EDIL3: variants seen among roughly 807,000 people sequenced by gnomAD.
EDIL3 encodes EGF like and discoidin domains 3.
Under a neutral mutation model 67.4 loss-of-function variants are expected in EDIL3, and 37 were observed. The observed-to-expected ratio is 0.55, with a 90% confidence interval of 0.42 to 0.72. The LOEUF is 0.72. EDIL3 is among the 30% of genes least tolerant of loss of function. The pLI is 0.00. For synonymous variants in EDIL3, 195 were observed against 196.3 expected, an observed-to-expected ratio of 0.99 and a Z score of 0.05; for missense variants, 527 against 586.3, an observed-to-expected ratio of 0.90 and a Z score of 1.04.
At chr5:84,048,137 T>C (rs1331772304) in intron 9 of EDIL3, 4 of 345,926 alleles carry the variant, frequency 1.2e-5, no homozygotes, top group South Asian at 2.3e-5. Flanking sequence ...CTCTTTTAGA[T>C]CTTCTTTATA....
intron 1 of EDIL3, among the ~76,000 whole-genome samples, chr5:84,316,076 C>A (rs1208907910): frequency 2.0e-5 from 3 of 152,128 alleles, no homozygotes; most frequent in Non-Finnish European, 4.4e-5. Flanking sequence ...ATGTTGTCAC[C>A]ACCAGGCCTG....
intron 5 of EDIL3, among the ~76,000 whole-genome samples, chr5:84,109,710 C>T (rs1366263472): frequency 3.3e-5 from 5 of 151,860 alleles, no homozygotes; most frequent in Admixed American, 6.6e-5. Flanking sequence ...ACAAAAATAC[C>T]CCCCAAAAAC....
At chr5:83,977,156 A>G (rs1395180582) in intron 9 of EDIL3, among the ~76,000 whole-genome samples, 1 of 151,860 alleles carries the variant, frequency 6.6e-6, no homozygotes, top group East Asian at 1.9e-4. Flanking sequence ...TTTACAAGAT[A>G]AGAACAATTT....
chr5:83,963,827 T>C (rs537419750), intron 9 of EDIL3, among the ~76,000 whole-genome samples: 27 of 151,864 alleles, frequency 1.8e-4, no homozygotes, highest in African/African-American at 6.5e-4. Flanking sequence ...GGGACAAAAA[T>C]AGTATTAGAT....
intron 1 of EDIL3, among the ~76,000 whole-genome samples, chr5:84,291,142 T>A (rs1745904860): frequency 1.3e-5 from 2 of 152,200 alleles, no homozygotes; most frequent in African/African-American, 4.8e-5. Context: ...TACTCGTAGC[T>A]GCTTGTCAAA....
intron 4 of EDIL3, among the ~76,000 whole-genome samples, chr5:84,152,700 T>A (rs956914155): frequency 1.7e-4 from 26 of 152,196 alleles, no homozygotes; most frequent in African/African-American, 5.1e-4. Context: ...TTAAATCTCC[T>A]TCTGCCATGT....
chr5:84,013,305 C>T (rs1745548244), intron 9 of EDIL3, among the ~76,000 whole-genome samples: 1 of 151,868 alleles, frequency 6.6e-6, no homozygotes, highest in Non-Finnish European at 1.5e-5. Context: ...AAACATTGTT[C>T]CTTACAAAAG....
intron 2 of EDIL3, among the ~76,000 whole-genome samples, chr5:84,238,414 T>G (rs1220475208): frequency 6.6e-6 from 1 of 151,860 alleles, no homozygotes; most frequent in Non-Finnish European, 1.5e-5. Context: ...AAAAAAACAG[T>G]GGGCAGGTCT....
chr5:84,025,147 C>T (rs918856608), intron 9 of EDIL3, among the ~76,000 whole-genome samples: 2 of 152,180 alleles, frequency 1.3e-5, no homozygotes, highest in Non-Finnish European at 1.5e-5. Flanking sequence ...GCAGTGACCT[C>T]GGCTAAGCAA....
chr5:84,375,546 T>C (rs1458607312), intron 1 of EDIL3, among the ~76,000 whole-genome samples: 1 of 152,212 alleles, frequency 6.6e-6, no homozygotes, highest in Non-Finnish European at 1.5e-5. Context: ...ATATCTTCAT[T>C]ACACTAGGAG....
intron 1 of EDIL3, among the ~76,000 whole-genome samples, chr5:84,363,244 G>A (rs1285656242): frequency 1.3e-5 from 2 of 151,966 alleles, no homozygotes; most frequent in African/African-American, 4.8e-5. Context: ...CGATCAGGAG[G>A]TCAAGAGATT....
chr5:84,178,937 T>C (rs1042978335), intron 4 of EDIL3, among the ~76,000 whole-genome samples: 7 of 152,198 alleles, frequency 4.6e-5, no homozygotes, highest in Non-Finnish European at 1.0e-4. Flanking sequence ...TTCAACAAAA[T>C]TATATTAATT....
chr5:84,275,344 T>G (rs532862160), intron 1 of EDIL3, among the ~76,000 whole-genome samples: 2 of 152,318 alleles, frequency 1.3e-5, no homozygotes, highest in Non-Finnish European at 2.9e-5. Context: ...TAGTAGAACA[T>G]GATTATTGTC....
chr5:84,064,515 TG>T (rs1746598822), intron 8 of EDIL3, among the ~76,000 whole-genome samples, 184 bp downstream of exon 8: 1 of 152,238 alleles, frequency 6.6e-6, no homozygotes, highest in Non-Finnish European at 1.5e-5. Context: ...CCCTGTAGCA[TG>T]TTTTAGAACT....
intron 1 of EDIL3, among the ~76,000 whole-genome samples, chr5:84,306,026 TAAG>T (rs1746269827): frequency 6.6e-6 from 1 of 152,096 alleles, no homozygotes; most frequent in African/African-American, 2.4e-5. Flanking sequence ...TGTTCAGTCT[TAAG>T]GAGAAAAAAA....
chr5:84,292,729 G>A, intron 1 of EDIL3, among the ~76,000 whole-genome samples: 1 of 151,974 alleles, frequency 6.6e-6, no homozygotes, highest in East Asian at 1.9e-4. Flanking sequence ...AAACTCATGG[G>A]TATATTGAAT....
At chr5:84,374,893 T>G (rs1747934450) in intron 1 of EDIL3, among the ~76,000 whole-genome samples, 1 of 152,060 alleles carries the variant, frequency 6.6e-6, no homozygotes, top group South Asian at 2.1e-4. Flanking sequence ...TCCTGAGGCC[T>G]CTCCAGCCAT....
At chr5:84,169,505 C>T (rs1171183544) in intron 4 of EDIL3, among the ~76,000 whole-genome samples, 4 of 151,944 alleles carry the variant, frequency 2.6e-5, no homozygotes, top group African/African-American at 9.7e-5. Context: ...GGTTCAAACA[C>T]AAGGACACCT....
chr5:84,178,500 C>T (rs919623184), intron 4 of EDIL3, among the ~76,000 whole-genome samples: 1 of 152,142 alleles, frequency 6.6e-6, no homozygotes, highest in African/African-American at 2.4e-5. Flanking sequence ...ATATATCACC[C>T]TTTTCAATTT....
Sources: gnomAD v4.1 joint callset for allele counts (sites outside exome capture counted in the v4.1 genomes callset) on GRCh38, gnomAD v4.1.1 for gene constraint, MANE v1.5 for transcripts, NCBI Gene and HGNC (gene_info 2026-07-23, HGNC 2026-07-21) for gene names.